Variants in CSMD1 observed in about 807,000 individuals in gnomAD.
CSMD1 encodes CUB and sushi domain-containing protein 1.
In CSMD1, 213 loss-of-function variants were observed where a neutral mutation model predicts 417.5. The observed-to-expected ratio is 0.51, with a 90% confidence interval of 0.46 to 0.57. The LOEUF is 0.57. Ranked by LOEUF, CSMD1 falls within the 20% of genes least tolerant of loss-of-function variation. The pLI is 0.00. For synonymous variants in CSMD1, 2,862 were observed against 1,736.8 expected (o/e 1.65, Z -16.11); for missense variants, 6,923 against 4,529.7 (o/e 1.53, Z -15.17).
intron 6 of CSMD1, among the ~76,000 whole-genome samples, chr8:3,713,195 A>G (rs1200860284): frequency 6.6e-6 from 1 of 152,150 alleles, no homozygotes; most frequent in Admixed American, 6.6e-5. Flanking sequence ...GGATACATTA[A>G]TTTTGTTGTG....
chr8:3,766,563 C>A (rs925523044), intron 5 of CSMD1, among the ~76,000 whole-genome samples: 1 of 151,988 alleles, frequency 6.6e-6, no homozygotes, highest in Admixed American at 6.6e-5. Context: ...CAATGGATAT[C>A]CATATCATAT....
intron 3 of CSMD1, among the ~76,000 whole-genome samples, chr8:4,076,381 T>C (rs1052671388): frequency 4.6e-5 from 7 of 152,178 alleles, no homozygotes; most frequent in African/African-American, 1.7e-4. Flanking sequence ...CTGTCTGAGG[T>C]AGTTCTTTAT....
rs886188238 is a variant in CSMD1 at position 3,385,190 on chromosome 8, T to C, written c.2782+2304A>G. 4.9e-5 allele frequency among the ~76,000 whole-genome samples: 7 copies of C among 143,746 alleles called. No homozygotes were observed. The East Asian group carries it at 1.0e-3, about 21-fold the overall frequency. 94.3% of individuals were successfully genotyped at this position (143,746 alleles called of 152,430 possible). On this transcript the variant is annotated intron_variant, in intron 18 of 69. Transcript: ENST00000635120. Reference sequence around the variant, plus strand: ...ATATATAAATATATAGAAGTCTAAATATATAAATAGAAATGTAAAATCATA... The same window carrying C: ...ATATATAAATATATAGAAGTCTAAACATATAAATAGAAATGTAAAATCATA...
At position 4,194,568 on chromosome 8, in the gene CSMD1, T is replaced by C. The variant is rs187969653; in HGVS notation, c.416-162469A>G. Among the ~76,000 whole-genome samples, 379 of 152,226 alleles carry C rather than the reference T, an allele frequency of 2.5e-3. 2 individuals are homozygous for C. The highest frequency in any genetic ancestry group is 3.4e-3 in the Non-Finnish European group (230 of 68,000). ...AATGTTGGCAACAGCAAATAAAAAG[T>C]ACGCCATTTTCTTTTGTTTCCCCTT... On this transcript the variant is annotated intron_variant, in intron 3 of 69. Transcript: ENST00000635120.
chr8:4,626,512 G>A (rs1427057697), intron 2 of CSMD1, among the ~76,000 whole-genome samples: 2 of 152,084 alleles, frequency 1.3e-5, no homozygotes, highest in African/African-American at 4.8e-5. Flanking sequence ...AAATCACGTT[G>A]AGAGAAAGTT....
At chr8:4,077,299 A>ATATATG (rs1554439884) in intron 3 of CSMD1, among the ~76,000 whole-genome samples, 2 of 66,124 alleles carry the variant, frequency 3.0e-5, no homozygotes, top group African/African-American at 8.3e-5. Flanking sequence ...ATATATGTGT[A>ATATATG]TATATATATA....
intron 12 of CSMD1, among the ~76,000 whole-genome samples, chr8:3,425,540 A>T (rs1813783631): frequency 7.1e-6 from 1 of 141,666 alleles, no homozygotes; most frequent in African/African-American, 2.6e-5. Flanking sequence ...GTGATCTGAG[A>T]TTGCGCCACT....
chr8:4,285,894 A>G (rs974206498), intron 3 of CSMD1, among the ~76,000 whole-genome samples: 4 of 152,190 alleles, frequency 2.6e-5, no homozygotes, highest in Non-Finnish European at 4.4e-5. Flanking sequence ...AAGTAATCCA[A>G]CTGAAGTATT....
At chr8:4,841,636 C>T (rs1019148416) in intron 1 of CSMD1, among the ~76,000 whole-genome samples, 1 of 152,036 alleles carries the variant, frequency 6.6e-6, no homozygotes, top group Non-Finnish European at 1.5e-5. Flanking sequence ...ACAGGTCAGG[C>T]GCGGTGGCTC....
Position 4,484,980 on chromosome 8 carries a change from CAAAAAAAAAAAAAAAAAAAAA to C in CSMD1, c.303-64936_303-64916del, listed in dbSNP as rs57398278. ...TGGTTGACAGAGTGAGACTCTGCCT[CAAAAAAAAAAAAAAAAAAAAA>C]AAAAAAAAAAAAAAAAAAAGAAAGA... On this transcript the variant is annotated intron_variant, in intron 2 of 69. Transcript: ENST00000635120. 4.8e-3 allele frequency among the ~76,000 whole-genome samples: 259 copies of C among 53,934 alleles called. 3 individuals carry two copies. Among genetic ancestry groups the C allele is most frequent in the African/African-American group, 0.018 (238 of 13,224 alleles). 35.4% of individuals were successfully genotyped at this position (53,934 alleles called of 152,430 possible).
chr8:3,853,185 C>A (rs1384807358), intron 5 of CSMD1, among the ~76,000 whole-genome samples: 2 of 152,114 alleles, frequency 1.3e-5, no homozygotes, highest in African/African-American at 4.8e-5. Flanking sequence ...ATGCTGCTTC[C>A]CTTCCTTCAC....
intron 1 of CSMD1, among the ~76,000 whole-genome samples, chr8:4,835,521 C>T (rs1313680762): frequency 6.6e-6 from 1 of 152,122 alleles, no homozygotes; most frequent in Non-Finnish European, 1.5e-5. Flanking sequence ...TACGCAAATC[C>T]AGTGGACAGT....
chr8:4,940,585 C>T (rs934547556), intron 1 of CSMD1, among the ~76,000 whole-genome samples: 1 of 152,194 alleles, frequency 6.6e-6, no homozygotes, highest in African/African-American at 2.4e-5. Context: ...TTTAGAGAGG[C>T]AGGTCAGTGT....
intron 7 of CSMD1, among the ~76,000 whole-genome samples, chr8:3,701,591 T>A (rs1233513958): frequency 6.6e-6 from 1 of 152,170 alleles, no homozygotes; most frequent in East Asian, 1.9e-4. Flanking sequence ...CATAAATTAT[T>A]CCAAACTTAA....
chr8:3,829,306 A>G (rs4269567), intron 5 of CSMD1, among the ~76,000 whole-genome samples: 51,126 of 151,942 alleles, frequency 0.34, 9,236 homozygotes, highest in East Asian at 0.59. Context: ...GAGCTACTTC[A>G]CTTATTCTAC....
chr8:3,548,764 G>C (rs541220099), intron 10 of CSMD1, among the ~76,000 whole-genome samples: 6 of 151,348 alleles, frequency 4.0e-5, no homozygotes, highest in Admixed American at 1.3e-4. Context: ...GAGTAAGCCC[G>C]GCCAAGTTGT....
chr8:4,110,033 G>A (rs1801769047), intron 3 of CSMD1, among the ~76,000 whole-genome samples: 2 of 152,106 alleles, frequency 1.3e-5, no homozygotes, highest in African/African-American at 4.8e-5. Context: ...GATAAACTGT[G>A]CCCAGGCTAG....
At chr8:4,600,976 G>A (rs1228520907) in intron 2 of CSMD1, among the ~76,000 whole-genome samples, 1 of 121,972 alleles carries the variant, frequency 8.2e-6, no homozygotes, top group Non-Finnish European at 1.7e-5. Flanking sequence ...TTTTTTTTGA[G>A]ATGAAGTTTT....
chr8:4,664,974 A>G (rs909011659), intron 1 of CSMD1, among the ~76,000 whole-genome samples: 3 of 152,220 alleles, frequency 2.0e-5, no homozygotes. Context: ...GCATCTGAAA[A>G]AGGAAAATAA....
Sources: gnomAD v4.1 joint callset for allele counts (sites outside exome capture counted in the v4.1 genomes callset) on GRCh38, gnomAD v4.1.1 for gene constraint, MANE v1.5 for transcripts, NCBI Gene and HGNC (gene_info 2026-07-23, HGNC 2026-07-21) for gene names.